UBR4: variants seen among roughly 807,000 people sequenced by gnomAD.
UBR4 encodes ubiquitin protein ligase E3 component n-recognin 4, also known as E3 ubiquitin-protein ligase UBR4.
Under a neutral mutation model 575.6 loss-of-function variants are expected in UBR4, and 124 were observed. The ratio of observed to expected loss-of-function variants is 0.22; its 90% CI spans 0.19 to 0.25. UBR4 has a LOEUF of 0.25. Ranked by LOEUF, UBR4 falls within the 10% of genes least tolerant of loss-of-function variation. The pLI, the probability that UBR4 is intolerant of heterozygous loss-of-function variation, is 1.00. For missense variants in UBR4, 4,818 were observed against 6,478.8 expected (o/e 0.74, Z 8.80); for synonymous variants, 2,455 against 2,473.7 (o/e 0.99, Z 0.22).
chr1:19,079,945 G>C (rs1343215782), intron 103 of UBR4: 1 of 152,220 alleles, frequency 6.6e-6, no homozygotes, highest in African/African-American at 2.4e-5. Flanking sequence ...GCTCACACTG[G>C]ATTTCCTAAT....
Position 19,123,054 on chromosome 1 carries a change from T to C in UBR4, c.9595A>G (p.Met3199Val), listed in dbSNP as rs1250790470. ...SWFYFLSEYL[M>V]IQQTPFVRRQ... ...CGCACAAATGGAGTCTGCTGGATCA[T>C]GAGGTACTTGAGAAGAAAAACACCA... Residue 3199 changes from methionine to valine, a missense_variant, in exon 66 of 106, where the codon ATG becomes GTG. Physicochemically the swap from Met to Val is conservative, Grantham distance 21. Around this residue, in one of 29 missense-constraint regions of UBR4, gnomAD observed 550 missense variants for 791.5 expected, o/e 0.69. Coordinates refer to ENST00000375254, the MANE Select transcript of UBR4 (RefSeq NM_020765.3). The C allele has an allele frequency of 9.9e-6, 16 of 1,614,060 alleles. No individual in the cohort carries two copies. The highest frequency in any genetic ancestry group is 1.4e-5 in the Non-Finnish European group (16 of 1,179,978).
At chr1:19,201,852 A>C in intron 1 of UBR4, 37 bp from the exon 2 acceptor site, 1 of 1,583,434 alleles carries the variant, frequency 6.3e-7, no homozygotes, top group African/African-American at 1.3e-5. Flanking sequence ...GCATCTGCTT[A>C]GCGCTTACTA....
chr1:19,086,945 G>A (rs2148711972), intron 99 of UBR4, 124 bp from the exon 100 acceptor site: 1 of 1,371,806 alleles, frequency 7.3e-7, no homozygotes, highest in Non-Finnish European at 9.8e-7. Context: ...GCTCTCACTA[G>A]GGAAGTTCAG....
chr1:19,163,965 T>TA (rs1314197169), intron 33 of UBR4, 138 bp from the exon 34 acceptor site: 20 of 924,876 alleles, frequency 2.2e-5, no homozygotes, highest in Middle Eastern at 2.4e-4. Flanking sequence ...ACTCCATAAG[T>TA]ACTATATAGT....
intron 65 of UBR4, among the ~76,000 whole-genome samples, chr1:19,123,267 C>G (rs150616250): frequency 2.1e-4 from 32 of 152,200 alleles, no homozygotes; most frequent in African/African-American, 7.0e-4. Context: ...GCCTGGCCAA[C>G]ATGGTGAAAC....
In UBR4 at chr1:19,172,966, G is replaced by GAA. The variant is rs2089789908; in HGVS notation, c.3417_3418dup (p.Ser1140PhefsTer146). 1.2e-6 allele frequency: 2 copies of GAA among 1,614,024 alleles called. No homozygotes were observed. Among genetic ancestry groups the GAA allele is most frequent in the African/African-American group, 2.7e-5 (2 of 74,900 alleles). ...AGGATCAGTCTCAGCAGCCATCTTA[G>GAA]AAAAATGCTCATCCAAAGAGACCTG... On this transcript the variant is annotated frameshift_variant, in exon 25 of 106. Transcript: ENST00000375254. LOFTEE classifies it high-confidence loss of function.
At chr1:19,196,904 G>T (rs1401084015) in intron 8 of UBR4, among the ~76,000 whole-genome samples, 1 of 152,132 alleles carries the variant, frequency 6.6e-6, no homozygotes, top group Non-Finnish European at 1.5e-5. Flanking sequence ...TAAATATTTA[G>T]TATCTGCACA....
In UBR4 at chr1:19,105,753, C is replaced by T; in HGVS notation, c.12483G>A (p.Gln4161=). The change falls in exon 84 of 106, where the codon CAG becomes CAA. Residue 4161 remains glutamine (Q), a synonymous_variant. Transcript: ENST00000375254. ...ALATIPSRKQ[Q]VLDLLTSYLD... is the part of the protein sequence containing the mutation. ...GGTACCTGGTAAGCAGGTCCAGGAC[C>T]TGCTGCTTGCGGCTGGGAATGGTGG... 6.2e-7 allele frequency: 1 copy of T among 1,609,272 alleles called. No homozygotes were observed. The highest frequency in any genetic ancestry group is 2.2e-5 in the East Asian group (1 of 44,614).
intron 102 of UBR4, among the ~76,000 whole-genome samples, chr1:19,084,223 C>T (rs1274943776): frequency 6.6e-6 from 1 of 152,248 alleles, no homozygotes; most frequent in Non-Finnish European, 1.5e-5. Context: ...TTTCCCACTT[C>T]CTGCTCCCCT....
chr1:19,092,911 C>T lies in UBR4; in HGVS notation c.14119G>A (p.Ala4707Thr), dbSNP rs1415922395. 6.2e-7 allele frequency: 1 copy of T among 1,613,072 alleles called. No homozygotes were observed. Among genetic ancestry groups the T allele is most frequent in the Non-Finnish European group, 8.5e-7 (1 of 1,179,722 alleles). ...KHIPSAKNLD[A>T]DIWKKFLSRP... The stretch of plus-strand genomic sequence containing the variant: ...GACAAAAACTTTTTCCAGATGTCGG[C>T]ATCCAAACTGCAAAGCAAAGGAAGG... The change falls in exon 97 of 106, where the codon GCC becomes ACC. Residue 4707 changes from alanine (A) to threonine (T), a missense_variant. Physicochemically the swap from Ala to Thr is moderately conservative, Grantham distance 58. Coordinates refer to ENST00000375254, the MANE Select transcript of UBR4 (RefSeq NM_020765.3).
intron 101 of UBR4, among the ~76,000 whole-genome samples, chr1:19,085,205 T>C (rs2076892155): frequency 6.6e-6 from 1 of 152,238 alleles, no homozygotes; most frequent in Admixed American, 6.5e-5. Context: ...AAACTCTGCA[T>C]CTCATCTGTA....
At chr1:19,141,833 T>C in intron 55 of UBR4, 56 bp from the exon 56 acceptor site, 1 of 1,598,778 alleles carries the variant, frequency 6.3e-7, no homozygotes, top group Non-Finnish European at 8.5e-7. Flanking sequence ...CCTTGGCACA[T>C]GGTGCCATAA....
chr1:19,155,217 G>C, intron 43 of UBR4, 142 bp from the exon 44 acceptor site: 1 of 1,254,450 alleles, frequency 8.0e-7, no homozygotes, highest in Non-Finnish European at 1.1e-6. Context: ...ATCTTACAAA[G>C]ACCCTGAGAA....
intron 17 of UBR4, among the ~76,000 whole-genome samples, chr1:19,180,480 A>C (rs2090811735): frequency 6.6e-6 from 1 of 151,554 alleles, no homozygotes; most frequent in Non-Finnish European, 1.5e-5. Context: ...CCACATTCTT[A>C]ACCACCATGC....
At chr1:19,092,679 A>C in intron 97 of UBR4, 140 bp downstream of exon 97, 1 of 626,006 alleles carries the variant, frequency 1.6e-6, no homozygotes. Flanking sequence ...CTCTCAGCAC[A>C]CATAGATGAA....
intron 68 of UBR4, 74 bp downstream of exon 68, chr1:19,121,115 C>A: frequency 6.5e-7 from 1 of 1,547,576 alleles, no homozygotes. Flanking sequence ...CCTTTTACAA[C>A]AGGACAAACC....
At chr1:19,166,715 A>C (rs1396825185) in intron 29 of UBR4, among the ~76,000 whole-genome samples, 5 of 1,494 alleles carry the variant, frequency 3.3e-3, no homozygotes, top group Non-Finnish European at 3.4e-3. Context: ...CATCTCTACC[A>C]AAAAAAAAAA....
chr1:19,174,993 T>TG lies in UBR4; in HGVS notation c.2813dup (p.Glu939ArgfsTer6). ...GGTTCAAATCATCCTCTGAGGCTTC[T>TG]GGGGACAGGACACAGTAGAATCTGG... On this transcript the variant is annotated frameshift_variant, in exon 21 of 106. Coordinates refer to ENST00000375254, the MANE Select transcript of UBR4 (RefSeq NM_020765.3). LOFTEE classifies it high-confidence loss of function. 1 of 1,614,016 alleles carries TG rather than the reference T, an allele frequency of 6.2e-7. No individual in the cohort carries two copies. The highest frequency in any genetic ancestry group is 1.1e-5 in the South Asian group (1 of 91,070).
chr1:19,113,578 G>C (rs2080152230), intron 77 of UBR4, 121 bp downstream of exon 77: 1 of 1,468,484 alleles, frequency 6.8e-7, no homozygotes, highest in Admixed American at 2.0e-5. Flanking sequence ...TTTTCAGCTA[G>C]ATTGGGCAGG....
Sources: allele counts gnomAD v4.1 joint callset (sites outside exome capture counted in the v4.1 genomes callset), GRCh38; gene constraint gnomAD v4.1.1; regional missense constraint gnomAD v4.1.1; transcripts MANE v1.5; gene names NCBI Gene and HGNC (gene_info 2026-07-23, HGNC 2026-07-21).